ZNF665: variants seen among roughly 807,000 people sequenced by gnomAD.
ZNF665 encodes the protein zinc finger protein 665.
ZNF665 carries 6 observed loss-of-function variants against 7.9 expected under a neutral mutation model. That is an observed-to-expected ratio of 0.76 (90% CI 0.42 to 1.50). The LOEUF (loss-of-function observed/expected upper bound fraction) is 1.50, where lower values mean the gene tolerates loss of function less well. Among genes scored for constraint, ZNF665 ranks in the 40% most tolerant of loss-of-function variants. The pLI is 0.01. For missense variants in ZNF665, 819 were observed against 806.7 expected (o/e 1.02, Z -0.18); for synonymous variants, 242 against 274.5 (o/e 0.88, Z 1.17).
intron 2 of ZNF665, 120 bp from the exon 3 acceptor site, chr19:53,175,691 C>G (rs1480879058): frequency 2.6e-6 from 3 of 1,158,720 alleles, no homozygotes; most frequent in Non-Finnish European, 3.6e-6. Flanking sequence ...CTGACACATC[C>G]AGGCTGTGAT....
intron 1 of ZNF665, among the ~76,000 whole-genome samples, 168 bp from the exon 2 acceptor site, chr19:53,183,111 C>T (rs2090750858): frequency 3.3e-5 from 5 of 152,250 alleles, no homozygotes; most frequent in Admixed American, 2.6e-4. Context: ...AGAAAAGATG[C>T]AGGGATGAGA....
At chr19:53,189,946 A>G (rs978336062) in intron 1 of ZNF665, among the ~76,000 whole-genome samples, 1 of 151,926 alleles carries the variant, frequency 6.6e-6, no homozygotes, top group Admixed American at 6.6e-5. Flanking sequence ...GAAGGCTCGC[A>G]CTCTTGTCTT....
chr19:53,176,656 G>A (rs1253545734), intron 2 of ZNF665, among the ~76,000 whole-genome samples: 2 of 152,202 alleles, frequency 1.3e-5, no homozygotes, highest in East Asian at 3.8e-4. Flanking sequence ...TTGTGGGACT[G>A]AGCCCTACAC....
At chr19:53,171,758 T>C (rs1945231076) in intron 3 of ZNF665, among the ~76,000 whole-genome samples, 1 of 151,590 alleles carries the variant, frequency 6.6e-6, no homozygotes, top group Admixed American at 6.6e-5. Context: ...TATGATAGAT[T>C]TGTGTTTTTA....
At position 53,163,731 on chromosome 19, in the gene ZNF665, G is replaced by C. The variant is rs73057857; in HGVS notation, c.*722C>G. ...CATTTCCAAACATCCTACAACCTTT[G>C]ATATGTATCATGTAATGAGTTTTAA... On this transcript the variant is annotated 3_prime_UTR_variant, in exon 4 of 4. Coordinates refer to ENST00000396424, the MANE Select transcript of ZNF665 (RefSeq NM_024733.5). 6.6e-6 allele frequency: 1 copy of C among 152,090 alleles called. No homozygotes were observed. Among genetic ancestry groups the C allele is most frequent in the Non-Finnish European group, 1.5e-5 (1 of 68,016 alleles). The allele number at this position is 152,090 out of a possible 1,614,324, so 9.4% of individuals were successfully genotyped here.
chr19:53,163,791 A>G lies in ZNF665; in HGVS notation c.*662T>C, dbSNP rs2090581279. The G allele has an allele frequency of 6.6e-6, 1 of 152,220 alleles. No individual in the cohort carries two copies. Among genetic ancestry groups the G allele is most frequent in the African/African-American group, 2.4e-5 (1 of 41,450 alleles). The allele number at this position is 152,220 out of a possible 1,614,324, so 9.4% of individuals were successfully genotyped here. ...ACTTCTGATTATGCTGAAGTATATA[A>G]TATCAGAGGGTTATGAGGAAACTAG... On this transcript the variant is annotated 3_prime_UTR_variant, in exon 4 of 4. Transcript: ENST00000396424.
chr19:53,167,803 T>C (rs1358941368), intron 3 of ZNF665, among the ~76,000 whole-genome samples: 1 of 142,414 alleles, frequency 7.0e-6, no homozygotes, highest in Non-Finnish European at 1.5e-5. Context: ...CCGCCTGTAA[T>C]CCCAGCACTT....
At chr19:53,182,681 C>G in intron 2 of ZNF665, 1 of 1,046,988 alleles carries the variant, frequency 9.6e-7, no homozygotes, top group East Asian at 2.5e-5. Flanking sequence ...GTCCATGCCC[C>G]GTGCAGCCTC....
intron 3 of ZNF665, among the ~76,000 whole-genome samples, chr19:53,167,847 G>C (rs530774321): frequency 4.7e-5 from 7 of 147,744 alleles, no homozygotes; most frequent in Non-Finnish European, 9.0e-5. Context: ...ACGAGGTCAG[G>C]AGATCGAGAC....
chr19:53,165,111 C>T lies in ZNF665; in HGVS notation c.1379G>A (p.Cys460Tyr), dbSNP rs376400731. 8.1e-6 allele frequency: 13 copies of T among 1,613,898 alleles called. No homozygotes were observed. Among genetic ancestry groups the T allele is most frequent in the African/African-American group, 1.3e-5 (1 of 74,844 alleles). Residue 460 changes from cysteine (C) to tyrosine (Y), a missense_variant, in exon 4 of 4, where the codon TGT (cysteine) becomes TAT (tyrosine). Coordinates refer to ENST00000396424, the MANE Select transcript of ZNF665 (RefSeq NM_024733.5). ...TGTGAAGACCTTACCGCAGTCATTA[C>T]ATTTGTAAGGCTTTTCTCCAGTATG... Reference protein sequence around the residue: ...AIHTGEKPYKCNDCGKVFTQN... With the variant: ...AIHTGEKPYKYNDCGKVFTQN...
At chr19:53,191,606 C>A (rs181329258) in intron 1 of ZNF665, 2 of 152,094 alleles carry the variant, frequency 1.3e-5, no homozygotes, top group Non-Finnish European at 2.9e-5. Context: ...CATTTTGGGA[C>A]GCTGAGGTGG....
chr19:53,171,524 A>ATATATATATTTTTT (rs372855271), intron 3 of ZNF665, among the ~76,000 whole-genome samples: 31 of 69,320 alleles, frequency 4.5e-4, no homozygotes, highest in Admixed American at 6.7e-4. Context: ...ATATATATAT[A>ATATATATATTTTTT]TTTTTTTTTT....
At chr19:53,188,842 T>C (rs73584903) in intron 1 of ZNF665, among the ~76,000 whole-genome samples, 2,108 of 151,910 alleles carry the variant, frequency 0.014, 61 homozygotes, top group African/African-American at 0.048. Flanking sequence ...GGATTAAAAG[T>C]GCACATCACC....
chr19:53,168,646 C>T (rs2090635576), intron 3 of ZNF665, among the ~76,000 whole-genome samples: 1 of 152,112 alleles, frequency 6.6e-6, no homozygotes, highest in South Asian at 2.1e-4. Flanking sequence ...ATAATTAAAA[C>T]AATTTTGATA....
Position 53,170,978 on chromosome 19 carries a change from TTTTGTTTG to T in ZNF665, c.142+4459_142+4466del, listed in dbSNP as rs373605315. On this transcript the variant is annotated intron_variant, in intron 3 of 3. Transcript: ENST00000396424. ...ATATGTATTATATACTGTATTCCTT[TTTTGTTTG>T]TTTGTTTGTTTGTTTTCGAGACGGA... Among the ~76,000 whole-genome samples the T allele has an allele frequency of 3.3e-5, 5 of 152,144 alleles. No individual in the cohort carries two copies. In the East Asian group the frequency reaches 5.8e-4, roughly 18 times the overall value.
chr19:53,166,402 A>G (rs1324239575), intron 3 of ZNF665, 55 bp from the exon 4 acceptor site: 26 of 1,418,648 alleles, frequency 1.8e-5, no homozygotes, highest in Non-Finnish European at 2.2e-5. Flanking sequence ...GTAAATAACT[A>G]TTTCCCATTG....
intron 2 of ZNF665, chr19:53,181,544 G>A (rs903674225): frequency 6.6e-6 from 1 of 152,114 alleles, no homozygotes; most frequent in Non-Finnish European, 1.5e-5. Context: ...AAAACTAACA[G>A]ATGACATACT....
At chr19:53,167,928 C>T (rs11670027) in intron 3 of ZNF665, among the ~76,000 whole-genome samples, 72,762 of 145,328 alleles carry the variant, frequency 0.5, 21,728 homozygotes, top group South Asian at 0.72. Flanking sequence ...TTGTGGCGGG[C>T]GCCTGCAGTC....
Position 53,166,155 on chromosome 19 carries a change from A to G in ZNF665, c.335T>C (p.Val112Ala). The change falls in exon 4 of 4, where the codon GTA becomes GCA. Residue 112 changes from valine to alanine, a missense_variant. By Grantham distance (64) the Val-to-Ala change is moderately conservative. Transcript: ENST00000396424. The part of the protein sequence containing the change: ...WKDDEGNYKT[V>A]LMLQKENLPG... ...GAGATTTTCTTTTTGCAACATAAGT[A>G]CTGTTTTATAATTTCCTTCATCATC... The G allele has an allele frequency of 6.2e-7, 1 of 1,613,904 alleles. No homozygotes were observed. Among genetic ancestry groups the G allele is most frequent in the South Asian group, 1.1e-5 (1 of 91,070 alleles).
Sources: allele counts gnomAD v4.1 joint callset (sites outside exome capture counted in the v4.1 genomes callset), GRCh38; gene constraint gnomAD v4.1.1; transcripts MANE v1.5; gene names NCBI Gene and HGNC (gene_info 2026-07-23, HGNC 2026-07-21).